The following CSPP1 variants were observed in gnomAD, a reference collection of about 807,000 sequenced individuals.
CSPP1 encodes centrosome and spindle pole associated protein 1, also known as centrosome and spindle pole-associated protein 1.
Under a neutral mutation model 164.4 loss-of-function variants are expected in CSPP1, and 126 were observed. The ratio of observed to expected loss-of-function variants is 0.77; its 90% CI spans 0.66 to 0.89. The LOEUF (loss-of-function observed/expected upper bound fraction) is 0.89. CSPP1 is among the 40% of genes least tolerant of loss of function. CSPP1 has a pLI of 0.00. For synonymous variants in CSPP1, 472 were observed against 476.7 expected (o/e 0.99, Z 0.13); for missense variants, 1,395 against 1,449.8 (o/e 0.96, Z 0.61).
At chr8:67,188,801 C>A (rs532840894) in intron 28 of CSPP1, among the ~76,000 whole-genome samples, 19 of 152,298 alleles carry the variant, frequency 1.2e-4, no homozygotes, top group African/African-American at 4.6e-4. Context: ...ATTGTTCCTG[C>A]ACGGCTAAGT....
chr8:67,195,599 A>G lies in CSPP1; in HGVS notation c.*6A>G, dbSNP rs372265885. ...TGTCGACTGCACATGGTTAAAATAA[A>G]CCTGTACTGGACCCAGTAGTGCCTT... On this transcript the variant is annotated 3_prime_UTR_variant, in exon 31 of 31. Coordinates refer to ENST00000678616, the MANE Select transcript of CSPP1 (RefSeq NM_001382391.1). 721 of 1,611,856 alleles carry G rather than the reference A, an allele frequency of 4.5e-4. 2 individuals carry two copies. The highest frequency in any genetic ancestry group is 2.2e-3 in the Middle Eastern group (13 of 5,938).
chr8:67,153,052 A>T (rs1453935549), intron 18 of CSPP1, among the ~76,000 whole-genome samples: 1 of 152,080 alleles, frequency 6.6e-6, no homozygotes, highest in African/African-American at 2.4e-5. Flanking sequence ...ACAAAAAAAA[A>T]TTAGCCAGGC....
intron 1 of CSPP1, among the ~76,000 whole-genome samples, chr8:67,073,384 A>T (rs1057188410): frequency 6.6e-6 from 1 of 152,192 alleles, no homozygotes; most frequent in Non-Finnish European, 1.5e-5. Flanking sequence ...GGGATGTTCT[A>T]TTGAAAAGGA....
In CSPP1 at chr8:67,103,138, A is replaced by C. The variant is rs1814505338; in HGVS notation, c.1022+3A>C. 1 of 1,523,198 alleles carries C rather than the reference A, an allele frequency of 6.6e-7. No individual in the cohort carries two copies. The highest frequency in any genetic ancestry group is 1.4e-5 in the African/African-American group (1 of 73,124). The allele number at this position is 1,523,198 out of a possible 1,614,324, so 94.4% of individuals were successfully genotyped here. A position where few individuals can be genotyped will look rare whatever the true frequency, so the allele number is the denominator to read the frequency against. Reference sequence around the variant, plus strand: ...ATTTCATCTGCTGAAAATAAAAGGTACAGTATGTAATATAAATTCTCTGCT... The same window carrying C: ...ATTTCATCTGCTGAAAATAAAAGGTCCAGTATGTAATATAAATTCTCTGCT... On this transcript the variant is annotated splice_donor_region_variant and intron_variant, in intron 8 of 30. Transcript: ENST00000678616.
At chr8:67,082,646 T>G (rs976228996) in intron 3 of CSPP1, among the ~76,000 whole-genome samples, 1 of 152,196 alleles carries the variant, frequency 6.6e-6, no homozygotes, top group African/African-American at 2.4e-5. Flanking sequence ...TCTATGGTAA[T>G]TTGTTTCATA....
intron 17 of CSPP1, among the ~76,000 whole-genome samples, chr8:67,145,208 A>C (rs563038274): frequency 4.6e-5 from 7 of 152,286 alleles, no homozygotes; most frequent in African/African-American, 1.7e-4. Context: ...GAATCATTCA[A>C]GGAAATTATT....
rs754422819 is a variant in CSPP1 at position 67,195,927 on chromosome 8, G to A, written c.*334G>A. On this transcript the variant is annotated 3_prime_UTR_variant, in exon 31 of 31. Transcript: ENST00000678616. ...AGTGTCTTAAACGTCCTGTAAAACC[G>A]GACTCCCCTTTGTTACATGCACATT... is the stretch of plus-strand genomic sequence containing the variant. The A allele has an allele frequency of 6.5e-5, 13 of 200,564 alleles. No homozygotes were observed. The highest frequency in any genetic ancestry group is 1.1e-4 in the Non-Finnish European group (11 of 97,562). The allele number at this position is 200,564 out of a possible 1,614,324, so 12.4% of individuals were successfully genotyped here. A position where few individuals can be genotyped will look rare whatever the true frequency, so the allele number is the denominator to read the frequency against.
At chr8:67,181,338 ATTTTTTTTTT>A (rs58029238) in intron 28 of CSPP1, among the ~76,000 whole-genome samples, 2 of 112,642 alleles carry the variant, frequency 1.8e-5, no homozygotes, top group East Asian at 2.5e-4. Flanking sequence ...GTACCTGGCC[ATTTTTTTTTT>A]TTTTTTTTTT....
rs567917023 is a variant in CSPP1, at chr8:67,167,552, T to A, written c.2828+3044T>A. Among the ~76,000 whole-genome samples, 5 of 143,284 alleles carry A rather than the reference T, an allele frequency of 3.5e-5. No individual in the cohort carries two copies. In the South Asian group the frequency reaches 1.2e-3, roughly 33 times the overall value. 94.0% of individuals were successfully genotyped at this position (143,284 alleles called of 152,430 possible). On this transcript the variant is annotated intron_variant, in intron 24 of 30. Transcript: ENST00000678616. Reference sequence around the variant, plus strand: ...CTCACTTCTCAGACGGGGCGGCTGCTGGGCGGAGGGGCTCCTCACTTCTCA... The same window carrying A: ...CTCACTTCTCAGACGGGGCGGCTGCAGGGCGGAGGGGCTCCTCACTTCTCA...
chr8:67,068,347 T>C (rs1343633038), intron 1 of CSPP1, among the ~76,000 whole-genome samples: 1 of 152,234 alleles, frequency 6.6e-6, no homozygotes, highest in Non-Finnish European at 1.5e-5. Context: ...GTTCTTTCAA[T>C]TAAACTATTT....
chr8:67,192,066 G>GT (rs34907123), intron 29 of CSPP1, among the ~76,000 whole-genome samples: 8,205 of 129,718 alleles, frequency 0.063, 303 homozygotes, highest in African/African-American at 0.11. Flanking sequence ...TTGCTGATTT[G>GT]TTTTTTTTTT....
chr8:67,195,471 C>T lies in CSPP1; in HGVS notation c.3559C>T (p.Arg1187Cys), dbSNP rs781579090. ...SNSVATEPWL[R>C]PGTSETLKRF... ...CTCTGTAGCAACTGAGCCCTGGCTC[C>T]GCCCTGGCACTTCAGAAACGCTGAA... Residue 1187 changes from arginine (R) to cysteine (C), a missense_variant, in exon 31 of 31, where the codon CGC becomes TGC. Physicochemically the swap from Arg to Cys is radical, Grantham distance 180. Transcript: ENST00000678616. The T allele has an allele frequency of 1.4e-5, 22 of 1,614,006 alleles. No homozygotes were observed. Among genetic ancestry groups the T allele is most frequent in the East Asian group, 2.2e-5 (1 of 44,884 alleles).
chr8:67,067,754 C>T (rs138333028), intron 1 of CSPP1, among the ~76,000 whole-genome samples: 63 of 151,718 alleles, frequency 4.2e-4, no homozygotes, highest in African/African-American at 1.4e-3. Context: ...TGAGCCACAA[C>T]GCGCGGCTGC....
chr8:67,079,274 A>G (rs1808632425), intron 3 of CSPP1, among the ~76,000 whole-genome samples: 1 of 152,104 alleles, frequency 6.6e-6, no homozygotes, highest in Admixed American at 6.5e-5. Flanking sequence ...GGACATCTGT[A>G]CTTGTATGGT....
chr8:67,167,973 C>T (rs1202178179), intron 24 of CSPP1, among the ~76,000 whole-genome samples: 9 of 150,946 alleles, frequency 6.0e-5, no homozygotes, highest in Admixed American at 1.3e-4. Context: ...TGTAGCCAGC[C>T]GAGATCACGC....
In CSPP1 at chr8:67,086,067, TA is replaced by T; in HGVS notation, c.264del (p.Glu89LysfsTer43). 24 of 1,524,726 alleles carry T rather than the reference TA, an allele frequency of 1.6e-5. No individual in the cohort carries two copies. The highest frequency in any genetic ancestry group is 2.1e-5 in the Non-Finnish European group (23 of 1,098,732). 94.4% of individuals were successfully genotyped at this position (1,524,726 alleles called of 1,614,324 possible). The stretch of plus-strand genomic sequence containing the variant: ...GACTATGAACGGAAGAAACATAAAT[TA>T]AAAGAAGAATTGCGGCAAGATTACA... ...GEDYERKKHK[L>X]KEELRQDYRR... On this transcript the variant is annotated frameshift_variant, in exon 4 of 31. Coordinates refer to ENST00000678616, the MANE Select transcript of CSPP1 (RefSeq NM_001382391.1). LOFTEE classifies it high-confidence loss of function.
chr8:67,177,753 G>A, intron 27 of CSPP1, 27 bp downstream of exon 27: 2 of 1,572,564 alleles, frequency 1.3e-6, no homozygotes, highest in Non-Finnish European at 1.7e-6. Context: ...AATTTTTCAA[G>A]TTAGTTTTTG....
chr8:67,147,503 C>G (rs544518323), intron 17 of CSPP1, among the ~76,000 whole-genome samples: 1 of 152,008 alleles, frequency 6.6e-6, no homozygotes, highest in South Asian at 2.1e-4. Flanking sequence ...CACTTCTTAC[C>G]ACCCTCTTAT....
intron 4 of CSPP1, chr8:67,086,768 A>G: frequency 1.0e-6 from 1 of 984,008 alleles, no homozygotes. Context: ...ACACATGGAG[A>G]GAATGAACTT....
Sources: gnomAD v4.1 joint callset for allele counts (sites outside exome capture counted in the v4.1 genomes callset) on GRCh38, gnomAD v4.1.1 for gene constraint, MANE v1.5 for transcripts, NCBI Gene and HGNC (gene_info 2026-07-23, HGNC 2026-07-21) for gene names.